Variants in DSCAML1 observed in about 807,000 individuals in gnomAD.
DSCAML1 encodes the protein DS cell adhesion molecule like 1, also known as cell adhesion molecule DSCAML1.
In DSCAML1, 38 loss-of-function variants were observed where a neutral mutation model predicts 200.5. That is an observed-to-expected ratio of 0.19 (90% CI 0.15 to 0.25). The LOEUF (loss-of-function observed/expected upper bound fraction) is 0.25, where lower values mean the gene tolerates loss of function less well. Among genes scored for constraint, DSCAML1 ranks in the 10% least tolerant of loss-of-function variants. The probability of loss-of-function intolerance (pLI) is 1.00; values close to 1 mark genes in which losing one functional copy is unlikely to be tolerated. For missense variants in DSCAML1, 2,223 were observed against 2,858.8 expected, an observed-to-expected ratio of 0.78 and a Z score of 5.07; for synonymous variants, 1,215 against 1,165.0, an observed-to-expected ratio of 1.04 and a Z score of -0.87.
intron 11 of DSCAML1, among the ~76,000 whole-genome samples, chr11:117,502,040 C>T (rs554119971): frequency 6.6e-6 from 1 of 152,266 alleles, no homozygotes; most frequent in African/African-American, 2.4e-5. Context: ...AGGAGGTGGC[C>T]CTGGATTTAC....
chr11:117,733,005 A>C (rs2054251102), intron 3 of DSCAML1, among the ~76,000 whole-genome samples: 1 of 152,124 alleles, frequency 6.6e-6, no homozygotes, highest in South Asian at 2.1e-4. Flanking sequence ...AAAATGAAGC[A>C]ATTATTTAGT....
intron 3 of DSCAML1, among the ~76,000 whole-genome samples, chr11:117,772,134 G>T (rs2055049869): frequency 6.6e-6 from 1 of 152,144 alleles, no homozygotes; most frequent in Admixed American, 6.5e-5. Context: ...GGTGTCAACA[G>T]AGAGAGGAGG....
chr11:117,791,575 G>C (rs1389545256), intron 1 of DSCAML1, among the ~76,000 whole-genome samples: 1 of 152,162 alleles, frequency 6.6e-6, no homozygotes, highest in Non-Finnish European at 1.5e-5. Context: ...TCCACTGATG[G>C]CCAGGGGAAG....
chr11:117,485,437 G>C (rs1315943693), intron 11 of DSCAML1, among the ~76,000 whole-genome samples: 3 of 152,194 alleles, frequency 2.0e-5, no homozygotes, highest in Non-Finnish European at 4.4e-5. Flanking sequence ...CTAGTTCAGG[G>C]GAGCCCGTTC....
At chr11:117,570,862 C>G (rs2050837501) in intron 3 of DSCAML1, among the ~76,000 whole-genome samples, 1 of 152,232 alleles carries the variant, frequency 6.6e-6, no homozygotes, top group South Asian at 2.1e-4. Flanking sequence ...CAGCTGGAAC[C>G]TGGTGCTGAG....
chr11:117,814,487 G>A (rs781728397), intron 1 of DSCAML1, among the ~76,000 whole-genome samples: 7 of 152,204 alleles, frequency 4.6e-5, no homozygotes, highest in Non-Finnish European at 1.0e-4. Flanking sequence ...GCTCCTGGAG[G>A]CATGGAGCAG....
chr11:117,798,459 TACATA>T (rs541665812), upstream of DSCAML1, among the ~76,000 whole-genome samples: 46 of 152,338 alleles, frequency 3.0e-4, no homozygotes, highest in South Asian at 9.1e-3. Flanking sequence ...TGTTAAAATG[TACATA>T]ACATAAAATT....
chr11:117,444,185 T>G (rs900595292), intron 20 of DSCAML1, 146 bp from the exon 21 acceptor site: 28 of 1,010,698 alleles, frequency 2.8e-5, no homozygotes, highest in Non-Finnish European at 3.5e-5. Flanking sequence ...TTCCAAGTTT[T>G]AGAGATGCAG....
At chr11:117,568,776 C>A (rs1366857612) in intron 3 of DSCAML1, among the ~76,000 whole-genome samples, 2 of 152,118 alleles carry the variant, frequency 1.3e-5, no homozygotes, top group Admixed American at 6.6e-5. Flanking sequence ...AATCAATATC[C>A]TGAAAATGGC....
At chr11:117,769,521 A>ATATATTTTATATATTTTT (rs2054996622) in intron 3 of DSCAML1, among the ~76,000 whole-genome samples, 1 of 68,818 alleles carries the variant, frequency 1.5e-5, no homozygotes, top group East Asian at 3.1e-4. Context: ...TATATATATT[A>ATATATTTTATATATTTTT]TATATATTTT....
In DSCAML1 at chr11:117,589,236, G is replaced by C. The variant is rs553922639; in HGVS notation, c.512-56714C>G. On this transcript the variant is annotated intron_variant, in intron 3 of 32. Coordinates refer to ENST00000651296, the MANE Select transcript of DSCAML1 (RefSeq NM_020693.4). ...ATGCAAGCGACCGGAGCGGGCTCCTGCCGACTCTGCAGTGCGCCTTGGAGA... is the reference window on the plus strand; with the variant it reads ...ATGCAAGCGACCGGAGCGGGCTCCTCCCGACTCTGCAGTGCGCCTTGGAGA... Among the ~76,000 whole-genome samples the C allele has an allele frequency of 3.3e-5, 5 of 152,330 alleles. No individual in the cohort carries two copies. In the East Asian group the frequency reaches 9.7e-4, roughly 29 times the overall value.
intron 3 of DSCAML1, among the ~76,000 whole-genome samples, chr11:117,623,686 A>G (rs149542352): frequency 6.4e-4 from 97 of 152,344 alleles, no homozygotes; most frequent in African/African-American, 2.2e-3. Flanking sequence ...ACACCTCATC[A>G]TATGGTTATA....
At chr11:117,544,286 C>T (rs891724304) in intron 3 of DSCAML1, among the ~76,000 whole-genome samples, 2 of 152,176 alleles carry the variant, frequency 1.3e-5, no homozygotes, top group African/African-American at 4.8e-5. Flanking sequence ...CCATGCAATA[C>T]AGATTTATAA....
intron 1 of DSCAML1, among the ~76,000 whole-genome samples, chr11:117,814,893 G>A (rs1337945033): frequency 2.0e-5 from 3 of 152,222 alleles, no homozygotes; most frequent in Non-Finnish European, 4.4e-5. Context: ...TATGGTCCTC[G>A]GACATGAGAC....
chr11:117,543,679 AC>A (rs1460141197), intron 3 of DSCAML1, among the ~76,000 whole-genome samples: 6 of 151,880 alleles, frequency 4.0e-5, no homozygotes, highest in African/African-American at 1.5e-4. Context: ...GCGTTTGCTC[AC>A]CCCCAAATTA....
intron 29 of DSCAML1, among the ~76,000 whole-genome samples, 188 bp from the exon 30 acceptor site, chr11:117,432,692 G>A (rs561308416): frequency 1.1e-4 from 17 of 151,650 alleles, no homozygotes; most frequent in Admixed American, 2.0e-4. Context: ...CACTGCAGCC[G>A]CCTCAATCTC....
intron 15 of DSCAML1, among the ~76,000 whole-genome samples, chr11:117,470,371 C>T (rs935257054): frequency 3.3e-5 from 5 of 151,646 alleles, no homozygotes; most frequent in Non-Finnish European, 5.9e-5. Flanking sequence ...GTCAGGAGAT[C>T]GAGACCATCC....
intron 3 of DSCAML1, among the ~76,000 whole-genome samples, chr11:117,648,421 C>G (rs181700658): frequency 2.1e-4 from 32 of 152,338 alleles, no homozygotes; most frequent in African/African-American, 6.0e-4. Flanking sequence ...ACCTCTGCCC[C>G]CCTTGGATCA....
chr11:117,584,250 C>G (rs2051101154), intron 3 of DSCAML1, among the ~76,000 whole-genome samples: 1 of 152,214 alleles, frequency 6.6e-6, no homozygotes, highest in South Asian at 2.1e-4. Flanking sequence ...TGTTCTAGCT[C>G]CATTTTTGTG....
Sources: allele counts gnomAD v4.1 joint callset (sites outside exome capture counted in the v4.1 genomes callset), GRCh38; gene constraint gnomAD v4.1.1; transcripts MANE v1.5; gene names NCBI Gene and HGNC (gene_info 2026-07-23, HGNC 2026-07-21).